The following ABCA12 variants were observed in gnomAD, a reference collection of about 807,000 sequenced individuals.
The protein encoded by ABCA12 is ATP binding cassette subfamily A member 12.
ABCA12 carries 156 observed loss-of-function variants against 293.5 expected under a neutral mutation model. The observed-to-expected ratio is 0.53, with a 90% CI of 0.47 to 0.61. The LOEUF is 0.61. Ranked by LOEUF, ABCA12 falls within the 20% of genes least tolerant of loss-of-function variation. The pLI is 0.00. For missense variants in ABCA12, 2,797 were observed against 3,090.2 expected (o/e 0.91, Z 2.25); for synonymous variants, 1,063 against 1,108.0 (o/e 0.96, Z 0.81).
chr2:214,976,807 C>T (rs1251306422), intron 33 of ABCA12, among the ~76,000 whole-genome samples: 1 of 152,182 alleles, frequency 6.6e-6, no homozygotes, highest in Non-Finnish European at 1.5e-5. Context: ...AGGCCATAAA[C>T]CATTGCTTCC....
At chr2:215,011,782 C>A in intron 16 of ABCA12, 133 bp from the exon 17 acceptor site, 1 of 1,150,148 alleles carries the variant, frequency 8.7e-7, no homozygotes, top group Non-Finnish European at 1.3e-6. Flanking sequence ...ATGTTTATTC[C>A]AAATGTAAAT....
chr2:215,039,863 TA>T (rs1306159002), intron 7 of ABCA12, among the ~76,000 whole-genome samples: 1 of 152,098 alleles, frequency 6.6e-6, no homozygotes, highest in Non-Finnish European at 1.5e-5. Context: ...TTTCAATATT[TA>T]ATAAATATAA....
At chr2:215,002,306 T>G (rs145320129) in intron 20 of ABCA12, among the ~76,000 whole-genome samples, 19 of 152,226 alleles carry the variant, frequency 1.2e-4, no homozygotes, top group Non-Finnish European at 2.5e-4. Context: ...TATCTTAAAA[T>G]TAATACTTTT....
At chr2:215,035,539 G>A (rs575575592) in intron 8 of ABCA12, among the ~76,000 whole-genome samples, 6 of 151,774 alleles carry the variant, frequency 4.0e-5, no homozygotes, top group Admixed American at 1.3e-4. Flanking sequence ...CGTGGTAGGC[G>A]CCTGTAATCC....
Position 214,950,119 on chromosome 2 carries a change from A to G in ABCA12, c.6852+760T>C, listed in dbSNP as rs79859745. ...ACAATACACGATAACAACTATTTAC[A>G]TAGCATTTACATTGCATTGGGTATT... On this transcript the variant is annotated intron_variant, in intron 45 of 52. Coordinates refer to ENST00000272895, the MANE Select transcript of ABCA12 (RefSeq NM_173076.3). Among the ~76,000 whole-genome samples the G allele has an allele frequency of 2.3e-3, 351 of 152,276 alleles. 4 individuals carry two copies. Among genetic ancestry groups the G allele is most frequent in the African/African-American group, 7.7e-3 (321 of 41,564 alleles).
intron 43 of ABCA12, 60 bp from the exon 44 acceptor site, chr2:214,954,167 T>A (rs1179174570): frequency 3.8e-6 from 6 of 1,574,394 alleles, no homozygotes; most frequent in Non-Finnish European, 5.2e-6. Flanking sequence ...CTGACAAAAA[T>A]TTAAAACTAG....
intron 42 of ABCA12, among the ~76,000 whole-genome samples, chr2:214,956,296 C>A (rs933874574): frequency 4.6e-5 from 7 of 152,096 alleles, no homozygotes; most frequent in Admixed American, 4.6e-4. Flanking sequence ...GGTATATGCA[C>A]TTCATAATGC....
chr2:215,011,945 A>G (rs766386281), intron 16 of ABCA12, 26 bp downstream of exon 16: 4 of 1,613,218 alleles, frequency 2.5e-6, no homozygotes, highest in South Asian at 1.1e-5. Context: ...TTTTTCAACA[A>G]GAACATTACT....
chr2:215,065,005 G>A (rs926428936), intron 2 of ABCA12, among the ~76,000 whole-genome samples: 26 of 151,698 alleles, frequency 1.7e-4, no homozygotes, highest in Admixed American at 5.9e-4. Flanking sequence ...AATAGTGAAT[G>A]GTATGAATGA....
chr2:215,118,550 G>A (rs1337251694), intron 1 of ABCA12, among the ~76,000 whole-genome samples: 1 of 152,050 alleles, frequency 6.6e-6, no homozygotes, highest in African/African-American at 2.4e-5. Context: ...TAGTGTCATA[G>A]TTTTGGAGAG....
chr2:215,077,513 G>A (rs1238782506), intron 2 of ABCA12, among the ~76,000 whole-genome samples: 1 of 152,030 alleles, frequency 6.6e-6, no homozygotes, highest in Non-Finnish European at 1.5e-5. Flanking sequence ...CTCTTCCTGA[G>A]GGGTAGAGCT....
Position 215,037,020 on chromosome 2 carries a change from G to A in ABCA12, c.918C>T (p.Asn306=), listed in dbSNP as rs370459817. ...ACTTCTGGAGGGTTCTGAAACCTTC[G>A]TTAGTTGCAAAACGTGGATAAACCT... ...VQKVYPRFAT[N]EGFRTLQKSV... Residue 306 remains asparagine (N), a synonymous_variant, in exon 8 of 53, where the codon AAC becomes AAT. Transcript: ENST00000272895. 3.5e-5 allele frequency: 56 copies of A among 1,613,764 alleles called. No homozygotes were observed. The highest frequency in any genetic ancestry group is 3.6e-5 in the Non-Finnish European group (42 of 1,179,854).
At chr2:214,949,375 T>TACACACAC (rs1186183654) in intron 45 of ABCA12, among the ~76,000 whole-genome samples, 2,542 of 148,232 alleles carry the variant, frequency 0.017, 74 homozygotes, top group African/African-American at 0.06. Flanking sequence ...TATATATATA[T>TACACACAC]ATACACACAC....
At chr2:215,025,647 G>GTTT in intron 11 of ABCA12, 26 bp downstream of exon 11, 1 of 1,156,132 alleles carries the variant, frequency 8.6e-7, no homozygotes, top group Non-Finnish European at 1.2e-6. Context: ...TTTGTTTTTT[G>GTTT]TTTTTTTTTT....
chr2:215,119,868 T>C (rs1575056915), intron 1 of ABCA12, among the ~76,000 whole-genome samples: 1 of 151,534 alleles, frequency 6.6e-6, no homozygotes, highest in East Asian at 1.9e-4. Context: ...AGTTTGGAGA[T>C]TTCTCAAAAA....
At position 214,983,882 on chromosome 2, in the gene ABCA12, G is replaced by C. The variant is rs1442984017; in HGVS notation, c.4164-17C>G. The stretch of plus-strand genomic sequence containing the variant: ...AACATGGAACTGGAAATGAAGAAAT[G>C]ATAAATTAGGTATAAGCCAAGCATT... On this transcript the variant is annotated splice_polypyrimidine_tract_variant and intron_variant, in intron 28 of 52. Transcript: ENST00000272895. The C allele has an allele frequency of 6.2e-7, 1 of 1,607,870 alleles. No individual in the cohort carries two copies. The highest frequency in any genetic ancestry group is 1.7e-5 in the Admixed American group (1 of 59,968).
rs144347562 is a variant in ABCA12, at chr2:215,057,557, C to T, written c.318-2893G>A. Reference sequence around the variant, plus strand: ...ATGAGGCACAGGCCCTCACCCAGAGCCGTGTAACCCCTTCCTCATTTTATG... The same window carrying T: ...ATGAGGCACAGGCCCTCACCCAGAGTCGTGTAACCCCTTCCTCATTTTATG... On this transcript the variant is annotated intron_variant, in intron 3 of 52. Coordinates refer to ENST00000272895, the MANE Select transcript of ABCA12 (RefSeq NM_173076.3). Among the ~76,000 whole-genome samples the T allele has an allele frequency of 1.2e-3, 188 of 151,468 alleles. 1 individual carries two copies. Among genetic ancestry groups the T allele is most frequent in the African/African-American group, 4.3e-3 (176 of 41,226 alleles).
chr2:215,045,941 C>T lies in ABCA12; in HGVS notation c.768G>A (p.Val256=). ...GCTGCCACACAGCTTTCTGCTCTTGCACTTGTGAGAAGAAAGACAGCATTC... is the reference window on the plus strand; with the variant it reads ...GCTGCCACACAGCTTTCTGCTCTTGTACTTGTGAGAAGAAAGACAGCATTC... ...IVRMLSFFSQ[V]QEQKAVWQLL... The change falls in exon 7 of 53, where the codon GTG becomes GTA. Residue 256 remains valine, a synonymous_variant. Coordinates refer to ENST00000272895, the MANE Select transcript of ABCA12 (RefSeq NM_173076.3). 6.2e-7 allele frequency: 1 copy of T among 1,613,708 alleles called. No individual in the cohort carries two copies. The highest frequency in any genetic ancestry group is 2.2e-5 in the East Asian group (1 of 44,854).
At chr2:214,945,932 C>T (rs115657840) in intron 48 of ABCA12, among the ~76,000 whole-genome samples, 2,431 of 151,868 alleles carry the variant, frequency 0.016, 72 homozygotes, top group African/African-American at 0.054. Context: ...GGAGGCATAG[C>T]GGGGAGAGGA....
Sources: gnomAD v4.1 joint callset for allele counts (sites outside exome capture counted in the v4.1 genomes callset) on GRCh38, gnomAD v4.1.1 for gene constraint, MANE v1.5 for transcripts, NCBI Gene and HGNC (gene_info 2026-07-23, HGNC 2026-07-21) for gene names.